The following PRH1 variants were observed in gnomAD, a reference collection of about 807,000 sequenced individuals.
PRH1 encodes the protein proline rich protein HaeIII subfamily 1.
In PRH1, 7 loss-of-function variants were observed where a neutral mutation model predicts 7.9. The ratio of observed to expected loss-of-function variants is 0.89; its 90% CI spans 0.50 to 1.67. PRH1 has a LOEUF of 1.67. Ranked by LOEUF, PRH1 falls within the 40% of genes most tolerant of loss-of-function variation. The pLI is 0.00. For missense variants in PRH1, 109 were observed against 223.6 expected (o/e 0.49, Z 3.27); for synonymous variants, 45 against 80.8 (o/e 0.56, Z 2.38).
chr12:11,021,405 A>C (rs1249431261), intron 1 of PRH1, among the ~76,000 whole-genome samples: 5,299 of 61,070 alleles, frequency 0.087, no homozygotes, highest in East Asian at 0.2. Flanking sequence ...AATGAACTAT[A>C]ATAAAATATA....
chr12:10,944,229 T>A (rs1950449524), intron 2 of PRH1, among the ~76,000 whole-genome samples: 1 of 152,220 alleles, frequency 6.6e-6, no homozygotes, highest in Non-Finnish European at 1.5e-5. Context: ...TTTTCCCATT[T>A]GTTTGTGTCT....
At chr12:10,903,648 A>C (rs1949755421) in intron 2 of PRH1, among the ~76,000 whole-genome samples, 2 of 151,984 alleles carry the variant, frequency 1.3e-5, no homozygotes, top group Admixed American at 1.3e-4. Context: ...CATCACTCCT[A>C]TTCAACATAG....
At chr12:11,134,721 T>C (rs190033026) in intron 1 of PRH1, 12 of 159,294 alleles carry the variant, frequency 7.5e-5, no homozygotes, top group Non-Finnish European at 1.5e-4. Context: ...GGGAGCTTGA[T>C]CATAACTAAG....
At chr12:11,146,438 T>A (rs1017218847) in intron 1 of PRH1, among the ~76,000 whole-genome samples, 1 of 152,156 alleles carries the variant, frequency 6.6e-6, no homozygotes, top group Non-Finnish European at 1.5e-5. Context: ...ATGATTTTTT[T>A]ATTAGGTAAA....
At chr12:11,130,534 G>C (rs1454912030) in intron 1 of PRH1, among the ~76,000 whole-genome samples, 1 of 152,204 alleles carries the variant, frequency 6.6e-6, no homozygotes, top group African/African-American at 2.4e-5. Flanking sequence ...AACTAAAGAG[G>C]GCTCTACAGA....
chr12:11,110,490 G>A (rs2597949), intron 1 of PRH1, among the ~76,000 whole-genome samples: 69,285 of 152,046 alleles, frequency 0.46, 16,601 homozygotes, highest in Non-Finnish European at 0.53. Context: ...CCTACAAGCC[G>A]GAAGAGAGTG....
chr12:10,889,097 C>G (rs1013312), upstream of PRH1, among the ~76,000 whole-genome samples: 114,412 of 152,134 alleles, frequency 0.75, 45,344 homozygotes, highest in East Asian at 0.94. Context: ...CCCCCTTTCT[C>G]TTATTTTTAC....
At chr12:10,939,064 G>A (rs1950347589) in intron 2 of PRH1, 1 of 1,613,980 alleles carries the variant, frequency 6.2e-7, no homozygotes, top group East Asian at 2.2e-5. Flanking sequence ...CCAAAGCAGT[G>A]AGGATCCGAT....
chr12:11,063,715 A>C (rs1405104794), intron 1 of PRH1, among the ~76,000 whole-genome samples: 1 of 152,098 alleles, frequency 6.6e-6, no homozygotes, highest in Admixed American at 6.6e-5. Flanking sequence ...AAAAGCAAAA[A>C]CAGATGGGAA....
chr12:11,076,855 T>C (rs1199570243), intron 1 of PRH1: 1 of 115,058 alleles, frequency 8.7e-6, no homozygotes, highest in Non-Finnish European at 2.1e-5. Context: ...GAATTCCTAA[T>C]GAAATAAAAC....
At chr12:11,048,628 T>C, upstream of PRH1, 1 of 613,418 alleles carries the variant, frequency 1.6e-6, no homozygotes, top group Admixed American at 2.0e-5. Context: ...GCCATGGAGC[T>C]GCATCTTCTT....
intron 2 of PRH1, among the ~76,000 whole-genome samples, chr12:10,972,460 A>T (rs1252852286): frequency 2.0e-5 from 3 of 152,190 alleles, no homozygotes; most frequent in Admixed American, 6.5e-5. Flanking sequence ...AGAACAGCTC[A>T]AGTTAACTAC....
intron 1 of PRH1, among the ~76,000 whole-genome samples, chr12:11,102,720 C>T (rs1945292856): frequency 6.6e-6 from 1 of 152,134 alleles, no homozygotes; most frequent in Non-Finnish European, 1.5e-5. Context: ...AGAGCTTCTG[C>T]ACAGCAAAAG....
At chr12:11,017,309 G>C (rs914930386) in intron 1 of PRH1, among the ~76,000 whole-genome samples, 1 of 151,936 alleles carries the variant, frequency 6.6e-6, no homozygotes, top group African/African-American at 2.4e-5. Flanking sequence ...ACGGTAATTG[G>C]TACAATAACC....
At chr12:11,026,842 A>C (rs1008290635) in intron 1 of PRH1, among the ~76,000 whole-genome samples, 12 of 152,262 alleles carry the variant, frequency 7.9e-5, no homozygotes, top group African/African-American at 2.9e-4. Flanking sequence ...ATCTACACCC[A>C]TTATGAGGAA....
At chr12:10,954,445 G>A (rs1439420975) in intron 2 of PRH1, among the ~76,000 whole-genome samples, 1 of 149,554 alleles carries the variant, frequency 6.7e-6, no homozygotes, top group Non-Finnish European at 1.5e-5. Flanking sequence ...AATAGAAGCA[G>A]GGTTGCTATT....
chr12:11,036,175 G>A (rs1179291986), intron 1 of PRH1, among the ~76,000 whole-genome samples: 1 of 152,226 alleles, frequency 6.6e-6, no homozygotes, highest in Non-Finnish European at 1.5e-5. Flanking sequence ...TTACAGGCGT[G>A]AGCCACCGCG....
chr12:11,083,220 T>C (rs1591977589), intron 1 of PRH1, among the ~76,000 whole-genome samples: 1 of 117,994 alleles, frequency 8.5e-6, no homozygotes, highest in Admixed American at 8.5e-5. Context: ...AATGTTATCA[T>C]AAATAATTAA....
At chr12:11,123,074 T>C (rs1945966367) in intron 1 of PRH1, among the ~76,000 whole-genome samples, 1 of 152,210 alleles carries the variant, frequency 6.6e-6, no homozygotes, top group South Asian at 2.1e-4. Context: ...TTGAACTGTG[T>C]ATAGGTGCAA....
Sources: allele counts gnomAD v4.1 joint callset (sites outside exome capture counted in the v4.1 genomes callset), GRCh38; gene constraint gnomAD v4.1.1; transcripts MANE v1.5; gene names NCBI Gene and HGNC (gene_info 2026-07-23, HGNC 2026-07-21).